The following KIAA1217 variants were observed in gnomAD, a reference collection of about 807,000 sequenced individuals.
KIAA1217 encodes the protein sickle tail protein homolog.
In KIAA1217, 88 loss-of-function variants were observed where a neutral mutation model predicts 163.9. The ratio of observed to expected loss-of-function variants is 0.54; its 90% CI spans 0.45 to 0.64. KIAA1217 has a LOEUF of 0.64. Ranked by LOEUF, KIAA1217 falls within the 30% of genes least tolerant of loss-of-function variation. The pLI, the probability that KIAA1217 is intolerant of heterozygous loss-of-function variation, is 0.00. For synonymous variants in KIAA1217, 903 were observed against 923.1 expected (o/e 0.98, Z 0.39); for missense variants, 2,372 against 2,475.0 (o/e 0.96, Z 0.88).
At chr10:23,734,425 T>TA (rs1201076593) in intron 1 of KIAA1217, among the ~76,000 whole-genome samples, 1 of 151,992 alleles carries the variant, frequency 6.6e-6, no homozygotes, top group Non-Finnish European at 1.5e-5. Flanking sequence ...TAGCTGGTAT[T>TA]ACAGGTGCAT....
intron 2 of KIAA1217, among the ~76,000 whole-genome samples, chr10:24,226,156 G>GA (rs957150399): frequency 3.6e-4 from 52 of 144,636 alleles, no homozygotes; most frequent in Non-Finnish European, 4.9e-4. Flanking sequence ...AGGTCTCCAG[G>GA]AAAAAAAAAA....
chr10:23,732,543 C>G (rs1838533421), intron 1 of KIAA1217, among the ~76,000 whole-genome samples: 1 of 151,980 alleles, frequency 6.6e-6, no homozygotes, highest in Admixed American at 6.6e-5. Flanking sequence ...TCTCTTTTTT[C>G]TTAGTCTGCC....
chr10:23,950,668 TGGGAGGGGAC>T (rs898387861), intron 1 of KIAA1217, among the ~76,000 whole-genome samples: 1 of 152,086 alleles, frequency 6.6e-6, no homozygotes, highest in African/African-American at 2.4e-5. Flanking sequence ...GGTTAGAAGC[TGGGAGGGGAC>T]TGACCCTGGG....
chr10:24,134,596 C>G (rs190104162), intron 2 of KIAA1217, among the ~76,000 whole-genome samples: 50 of 152,048 alleles, frequency 3.3e-4, no homozygotes, highest in Admixed American at 3.0e-3. Context: ...TTTTTAGAGG[C>G]AAAATCTCAC....
At chr10:23,821,778 G>A (rs999868820) in intron 1 of KIAA1217, among the ~76,000 whole-genome samples, 6 of 152,186 alleles carry the variant, frequency 3.9e-5, no homozygotes, top group African/African-American at 9.6e-5. Flanking sequence ...CATAGTGGGA[G>A]GCCTGTTTAC....
chr10:24,481,744 G>A (rs1292890122), intron 6 of KIAA1217: 1 of 152,144 alleles, frequency 6.6e-6, no homozygotes, highest in African/African-American at 2.4e-5. Context: ...CCAAAGAAGT[G>A]ATACAGACGG....
intron 1 of KIAA1217, among the ~76,000 whole-genome samples, chr10:23,962,732 T>C (rs1844870447): frequency 6.6e-6 from 1 of 152,214 alleles, no homozygotes; most frequent in Non-Finnish European, 1.5e-5. Flanking sequence ...GTTAACTGGA[T>C]TGGAAATTCT....
chr10:23,778,363 G>A (rs1439914393), intron 1 of KIAA1217, among the ~76,000 whole-genome samples: 1 of 152,128 alleles, frequency 6.6e-6, no homozygotes, highest in Non-Finnish European at 1.5e-5. Flanking sequence ...TAAGCACATA[G>A]AAAAACATAG....
In KIAA1217 at chr10:24,533,318, C is replaced by T. The variant is rs572749108; in HGVS notation, c.3414+81C>T. On this transcript the variant is annotated intron_variant, in intron 16 of 20. Coordinates refer to ENST00000376454, the MANE Select transcript of KIAA1217 (RefSeq NM_019590.5). ...GCCATGGCACTCACAGATTTGTTAGCGAGAAGGCCAGGGAAGCGCATGGAC... is the reference window on the plus strand; with the variant it reads ...GCCATGGCACTCACAGATTTGTTAGTGAGAAGGCCAGGGAAGCGCATGGAC... 89 of 1,411,510 alleles carry T rather than the reference C, an allele frequency of 6.3e-5. No individual in the cohort carries two copies. The East Asian group carries it at 1.4e-3, about 21-fold the overall frequency. The allele number at this position is 1,411,510 out of a possible 1,614,324, so 87.4% of individuals were successfully genotyped here. A position where few individuals can be genotyped will look rare whatever the true frequency, so the allele number is the denominator to read the frequency against.
At chr10:23,911,837 G>A (rs1842442872) in intron 1 of KIAA1217, among the ~76,000 whole-genome samples, 1 of 152,212 alleles carries the variant, frequency 6.6e-6, no homozygotes, top group East Asian at 1.9e-4. Flanking sequence ...CAGGTGAGAT[G>A]AGAGTTCCTT....
chr10:24,423,340 A>G (rs2058908439), intron 3 of KIAA1217, among the ~76,000 whole-genome samples: 1 of 151,748 alleles, frequency 6.6e-6, no homozygotes, highest in Non-Finnish European at 1.5e-5. Flanking sequence ...GCTGGAGTGC[A>G]GTGGCACAAT....
At chr10:24,125,284 G>A (rs921838694) in intron 2 of KIAA1217, among the ~76,000 whole-genome samples, 8 of 150,772 alleles carry the variant, frequency 5.3e-5, no homozygotes, top group Non-Finnish European at 7.4e-5. Flanking sequence ...AGAAAAGAAA[G>A]TTGGTTGGTA....
chr10:23,849,094 G>C (rs561045883), intron 1 of KIAA1217, among the ~76,000 whole-genome samples: 29 of 152,066 alleles, frequency 1.9e-4, no homozygotes, highest in Non-Finnish European at 3.5e-4. Context: ...ACAATATGGA[G>C]CTAAATACTG....
chr10:24,426,503 A>C (rs2059182237), intron 3 of KIAA1217, among the ~76,000 whole-genome samples: 2 of 152,166 alleles, frequency 1.3e-5, no homozygotes, highest in African/African-American at 4.8e-5. Context: ...ATATACCTGT[A>C]GTCCCAGCTA....
rs574913873 is a variant in KIAA1217 at position 23,881,098 on chromosome 10, A to T, written c.-320-126127A>T. Among the ~76,000 whole-genome samples the T allele has an allele frequency of 9.8e-5, 14 of 143,160 alleles. No homozygotes were observed. In the East Asian group the frequency reaches 2.6e-3, roughly 26 times the overall value. 93.9% of individuals were successfully genotyped at this position (143,160 alleles called of 152,430 possible). A position where few individuals can be genotyped will look rare whatever the true frequency, so the allele number is the denominator to read the frequency against. ...GGAGCACTGGAGGTCTGGAGTAGAT[A>T]AAAAAAAAAAAATGCTGAAGCCATG... On this transcript the variant is annotated intron_variant, in intron 1 of 18. Transcript: ENST00000376462.
intron 1 of KIAA1217, among the ~76,000 whole-genome samples, chr10:23,994,248 A>G (rs1416444695): frequency 1.3e-5 from 2 of 152,178 alleles, no homozygotes; most frequent in African/African-American, 4.8e-5. Flanking sequence ...CATGACCTCA[A>G]TGGTCTTTTA....
chr10:24,347,201 A>G (rs977279770), intron 2 of KIAA1217, among the ~76,000 whole-genome samples: 5 of 152,188 alleles, frequency 3.3e-5, no homozygotes, highest in Admixed American at 3.3e-4. Flanking sequence ...TCTTGAAATG[A>G]TAGCCCTCTA....
At position 23,996,737 on chromosome 10, in the gene KIAA1217, G is replaced by C. The variant is rs190606995; in HGVS notation, c.-320-10488G>C. Among the ~76,000 whole-genome samples, 14 of 152,020 alleles carry C rather than the reference G, an allele frequency of 9.2e-5. No individual in the cohort carries two copies. The East Asian group carries it at 2.1e-3, about 23-fold the overall frequency. On this transcript the variant is annotated intron_variant, in intron 1 of 18. Coordinates refer to the KIAA1217 transcript ENST00000376462. ...ATAAAATTTTAATATATTTTAAAAG[G>C]CTTTTTTAAAAATGAACTTTAACTT... is the stretch of plus-strand genomic sequence containing the variant.
At chr10:23,941,553 C>G (rs1843767962) in intron 1 of KIAA1217, among the ~76,000 whole-genome samples, 2 of 152,076 alleles carry the variant, frequency 1.3e-5, no homozygotes. Context: ...TGCATTCATA[C>G]TGGTTTGACA....
Sources: allele counts gnomAD v4.1 joint callset (sites outside exome capture counted in the v4.1 genomes callset), GRCh38; gene constraint gnomAD v4.1.1; transcripts MANE v1.5; gene names NCBI Gene and HGNC (gene_info 2026-07-23, HGNC 2026-07-21).